The following TRAM2 variants were observed in gnomAD, a reference collection of about 807,000 sequenced individuals.
TRAM2 encodes the protein translocation associated membrane protein 2.
In TRAM2, 12 loss-of-function variants were observed where a neutral mutation model predicts 51.0. The ratio of observed to expected loss-of-function variants is 0.24; its 90% CI spans 0.15 to 0.38. The LOEUF (loss-of-function observed/expected upper bound fraction) is 0.38, where lower values mean the gene tolerates loss of function less well. TRAM2 is among the 10% of genes least tolerant of loss of function. TRAM2 has a pLI of 1.00. For synonymous variants in TRAM2, 175 were observed against 179.4 expected (o/e 0.98, Z 0.20); for missense variants, 361 against 462.0 (o/e 0.78, Z 2.00).
At chr6:52,553,670 C>T (rs1487893132) in intron 1 of TRAM2, among the ~76,000 whole-genome samples, 2 of 152,172 alleles carry the variant, frequency 1.3e-5, no homozygotes, top group Admixed American at 1.3e-4. Flanking sequence ...TAGTTAAGAG[C>T]CCAGATTTTG....
chr6:52,526,150 CAG>C (rs201993795), intron 2 of TRAM2, among the ~76,000 whole-genome samples: 94 of 2,142 alleles, frequency 0.044, 1 homozygote, highest in South Asian at 0.17. Context: ...TACACACAGA[CAG>C]ACACACACAC....
intron 1 of TRAM2, among the ~76,000 whole-genome samples, chr6:52,574,392 G>A (rs1767730104): frequency 6.6e-6 from 1 of 152,108 alleles, no homozygotes; most frequent in African/African-American, 2.4e-5. Flanking sequence ...TTAGTCGGTG[G>A]GTAAAGACAG....
rs1766207294 is a variant in TRAM2, at chr6:52,500,897, G to A, written c.*2300C>T. 6.6e-6 allele frequency: 1 copy of A among 152,238 alleles called. No homozygotes were observed. Among genetic ancestry groups the A allele is most frequent in the Admixed American group, 6.5e-5 (1 of 15,280 alleles). The allele number at this position is 152,238 out of a possible 1,614,324, so 9.4% of individuals were successfully genotyped here. ...GTTTAACCTGGACTCACCTGAGAGAGGCCTCCTGCATGTGAAGCCCTGCCA... is the reference window on the plus strand; with the variant it reads ...GTTTAACCTGGACTCACCTGAGAGAAGCCTCCTGCATGTGAAGCCCTGCCA... On this transcript the variant is annotated 3_prime_UTR_variant, in exon 11 of 11. Transcript: ENST00000182527.
intron 4 of TRAM2, among the ~76,000 whole-genome samples, chr6:52,512,879 G>A (rs1006985955): frequency 4.6e-5 from 7 of 152,192 alleles, no homozygotes; most frequent in Non-Finnish European, 8.8e-5. Flanking sequence ...TCTGTTAGTA[G>A]AAACCGGTCC....
chr6:52,525,032 C>A (rs1343312592), intron 2 of TRAM2: 1 of 152,246 alleles, frequency 6.6e-6, no homozygotes, highest in Non-Finnish European at 1.5e-5. Context: ...CTGAGCACCT[C>A]TCATGGGAAC....
At chr6:52,529,849 G>A (rs1350087068) in intron 2 of TRAM2, 1 of 152,214 alleles carries the variant, frequency 6.6e-6, no homozygotes, top group Non-Finnish European at 1.5e-5. Flanking sequence ...CAGGCCTGGA[G>A]TCTGCCTGTG....
intron 1 of TRAM2, among the ~76,000 whole-genome samples, chr6:52,544,074 G>C (rs575059244): frequency 1.9e-4 from 29 of 152,306 alleles, no homozygotes; most frequent in Admixed American, 1.6e-3. Context: ...ACGTGGATTA[G>C]AGCCTGCTAA....
intron 1 of TRAM2, among the ~76,000 whole-genome samples, chr6:52,571,968 A>G (rs1247282074): frequency 5.9e-5 from 9 of 152,202 alleles, no homozygotes; most frequent in Admixed American, 5.9e-4. Context: ...AATGTCATTA[A>G]CCAATCAATG....
chr6:52,546,629 A>G (rs1767205958), intron 1 of TRAM2, among the ~76,000 whole-genome samples: 2 of 152,154 alleles, frequency 1.3e-5, no homozygotes, highest in African/African-American at 4.8e-5. Flanking sequence ...AAACAGACAC[A>G]CAAATGTCCA....
rs564629244 is a variant in TRAM2 at position 52,511,726 on chromosome 6, G to A, written c.412-2140C>T. Among the ~76,000 whole-genome samples, 7 of 152,248 alleles carry A rather than the reference G, an allele frequency of 4.6e-5. No individual in the cohort carries two copies. In the South Asian group the frequency reaches 8.3e-4, roughly 18 times the overall value. On this transcript the variant is annotated intron_variant, in intron 4 of 10. Transcript: ENST00000182527. ...AGCATGCCTTTCGGGTATAGTCCAC[G>A]GCCCTAATCCCACAAACTTGGGCCT...
chr6:52,530,952 G>A (rs1766878190), intron 2 of TRAM2, among the ~76,000 whole-genome samples: 1 of 152,036 alleles, frequency 6.6e-6, no homozygotes, highest in African/African-American at 2.4e-5. Flanking sequence ...TTGTTCCTTA[G>A]AACTTGAAAA....
At chr6:52,570,680 C>T (rs545273547) in intron 1 of TRAM2, among the ~76,000 whole-genome samples, 20 of 152,028 alleles carry the variant, frequency 1.3e-4, no homozygotes, top group African/African-American at 4.1e-4. Flanking sequence ...TGAGGAAAGC[C>T]GTCACGAGGC....
At chr6:52,529,030 A>C (rs991846625) in intron 2 of TRAM2, among the ~76,000 whole-genome samples, 2 of 149,936 alleles carry the variant, frequency 1.3e-5, no homozygotes, top group African/African-American at 4.8e-5. Context: ...AGCTGGGACT[A>C]CAAGTGCCCA....
At position 52,501,181 on chromosome 6, in the gene TRAM2, A is replaced by T. The variant is rs1157417186; in HGVS notation, c.*2016T>A. 1 of 152,198 alleles carries T rather than the reference A, an allele frequency of 6.6e-6. No homozygotes were observed. Among genetic ancestry groups the T allele is most frequent in the Admixed American group, 6.5e-5 (1 of 15,282 alleles). 9.4% of individuals were successfully genotyped at this position (152,198 alleles called of 1,614,324 possible). ...AGAGAAGTGTCAGGGAAGGAGAGGG[A>T]GAAATGGGGGAAATACATATTTTCA... On this transcript the variant is annotated 3_prime_UTR_variant, in exon 11 of 11. Coordinates refer to ENST00000182527, the MANE Select transcript of TRAM2 (RefSeq NM_012288.4).
intron 2 of TRAM2, among the ~76,000 whole-genome samples, chr6:52,527,551 A>T (rs115296753): frequency 1.3e-5 from 2 of 152,224 alleles, no homozygotes; most frequent in Non-Finnish European, 2.9e-5. Flanking sequence ...ATGATTCACT[A>T]GGAGAAGACA....
At chr6:52,504,236 C>T (rs1330960459) in intron 10 of TRAM2, among the ~76,000 whole-genome samples, 5 of 152,210 alleles carry the variant, frequency 3.3e-5, no homozygotes, top group East Asian at 1.9e-4. Context: ...CAGAGGCCGC[C>T]GTCCGGCACT....
rs144917424 is a variant in TRAM2 at position 52,528,886 on chromosome 6, CTTTT to C, written c.184+6893_184+6896del. Among the ~76,000 whole-genome samples, 1,118 of 128,468 alleles carry C rather than the reference CTTTT, an allele frequency of 8.7e-3. 6 individuals are homozygous for C. The highest frequency in any genetic ancestry group is 0.027 in the African/African-American group (905 of 33,910). 84.3% of individuals were successfully genotyped at this position (128,468 alleles called of 152,430 possible). On this transcript the variant is annotated intron_variant, in intron 2 of 10. Transcript: ENST00000182527. ...CACTGCCTTACAAACGTGTACATGA[CTTTT>C]TTTTTTTTTTTTTTTTTTGAGACCG... is the stretch of plus-strand genomic sequence containing the variant.
intron 1 of TRAM2, among the ~76,000 whole-genome samples, chr6:52,574,305 G>C (rs992360144): frequency 4.6e-5 from 7 of 152,126 alleles, no homozygotes; most frequent in Non-Finnish European, 1.0e-4. Context: ...GGACGCTTCT[G>C]CTCTCATTTG....
chr6:52,523,059 C>T (rs1356065237), intron 2 of TRAM2: 1 of 541,328 alleles, frequency 1.8e-6, no homozygotes, highest in East Asian at 3.0e-5. Flanking sequence ...CTAGAAGCTT[C>T]TTCTTTTGTC....
Sources: gnomAD v4.1 joint callset for allele counts (sites outside exome capture counted in the v4.1 genomes callset) on GRCh38, gnomAD v4.1.1 for gene constraint, MANE v1.5 for transcripts, NCBI Gene and HGNC (gene_info 2026-07-23, HGNC 2026-07-21) for gene names.